Variants in PTBP3 observed in about 807,000 individuals in gnomAD.
PTBP3 encodes polypyrimidine tract binding protein 3.
PTBP3 carries 20 observed loss-of-function variants against 58.7 expected under a neutral mutation model. The ratio of observed to expected loss-of-function variants is 0.34; its 90% CI spans 0.24 to 0.50. PTBP3 has a LOEUF of 0.50. Among genes scored for constraint, PTBP3 ranks in the 20% least tolerant of loss-of-function variants. The pLI, the probability that PTBP3 is intolerant of heterozygous loss-of-function variation, is 0.98. For synonymous variants in PTBP3, 185 were observed against 219.8 expected (o/e 0.84, Z 1.40); for missense variants, 509 against 637.2 (o/e 0.80, Z 2.17).
chr9:112,236,558 A>T (rs1370359239), intron 7 of PTBP3, among the ~76,000 whole-genome samples: 1 of 152,222 alleles, frequency 6.6e-6, no homozygotes, highest in African/African-American at 2.4e-5. Context: ...CTAAAAACAA[A>T]GTTAAACAAT....
At chr9:112,363,928 C>T in the PTBP3 span, among the ~76,000 whole-genome samples, 3 of 152,268 alleles carry the variant, frequency 2.0e-5, no homozygotes, top group African/African-American at 7.2e-5. Context: ...AATGACATAT[C>T]TGTAACATTA....
chr9:112,281,310 T>C (rs189662619), intron 2 of PTBP3: 80 of 167,776 alleles, frequency 4.8e-4, no homozygotes, highest in Non-Finnish European at 7.7e-4. Context: ...ATACTTTTCC[T>C]TGAGAATTTT....
At chr9:112,379,869 A>G in the PTBP3 span, 7 of 533,024 alleles carry the variant, frequency 1.3e-5, no homozygotes, top group South Asian at 4.6e-5. Context: ...CCTGATTGTC[A>G]CCGTACGACC....
intron 12 of PTBP3, 133 bp downstream of exon 12, chr9:112,227,278 A>G (rs1835025842): frequency 1.2e-6 from 1 of 858,696 alleles, no homozygotes; most frequent in Non-Finnish European, 1.8e-6. Context: ...GATGGCAAAT[A>G]AATTGTCTTA....
At chr9:112,241,149 G>A (rs1484993678) in intron 7 of PTBP3, among the ~76,000 whole-genome samples, 1 of 152,068 alleles carries the variant, frequency 6.6e-6, no homozygotes, top group Non-Finnish European at 1.5e-5. Flanking sequence ...TGTCGCCCAG[G>A]CTGGAGTGCA....
At chr9:112,369,425 TGAGACACG>T in the PTBP3 span, among the ~76,000 whole-genome samples, 1 of 152,228 alleles carries the variant, frequency 6.6e-6, no homozygotes, top group African/African-American at 2.4e-5. Context: ...GACCTGGATG[TGAGACACG>T]GAGTCAAAGG....
intron 9 of PTBP3, 120 bp downstream of exon 9, chr9:112,231,977 AAG>A (rs879514205): frequency 8.4e-6 from 3 of 356,394 alleles, no homozygotes; most frequent in African/African-American, 1.1e-4. Flanking sequence ...GAGAGAAGAG[AAG>A]AGAAGAGAAG....
intron 2 of PTBP3, among the ~76,000 whole-genome samples, chr9:112,297,587 G>A (rs2132312882): frequency 6.6e-6 from 1 of 152,218 alleles, no homozygotes; most frequent in South Asian, 2.1e-4. Flanking sequence ...TCAAAATTAT[G>A]TAACACAAAG....
At chr9:112,277,946 T>TAACATAATATAACATAACATAAC (rs1564427648) in intron 2 of PTBP3, among the ~76,000 whole-genome samples, 1 of 58,168 alleles carries the variant, frequency 1.7e-5, no homozygotes, top group East Asian at 4.3e-4. Context: ...CATAACATAA[T>TAACATAATATAACATAACATAAC]ATAACATAAC....
chr9:112,350,162 G>A, the PTBP3 span, among the ~76,000 whole-genome samples: 1 of 152,040 alleles, frequency 6.6e-6, no homozygotes, highest in Non-Finnish European at 1.5e-5. Context: ...ATAAGTGGGA[G>A]CTAAGCTATG....
chr9:112,233,160 T>C (rs956554881), intron 8 of PTBP3, among the ~76,000 whole-genome samples: 2 of 151,972 alleles, frequency 1.3e-5, no homozygotes, highest in African/African-American at 4.8e-5. Flanking sequence ...ATCAATAGCC[T>C]TCACATGACA....
upstream of PTBP3, among the ~76,000 whole-genome samples, chr9:112,335,498 C>T (rs1178524629): frequency 6.6e-6 from 1 of 150,760 alleles, no homozygotes; most frequent in African/African-American, 2.4e-5. Context: ...GTTGGTCAGG[C>T]TGGTCTCGAA....
chr9:112,301,805 G>A (rs953013216), intron 1 of PTBP3, among the ~76,000 whole-genome samples: 4 of 152,140 alleles, frequency 2.6e-5, no homozygotes, highest in Non-Finnish European at 2.9e-5. Context: ...GTAACCACTG[G>A]AGGAAACTTA....
intron 11 of PTBP3, 118 bp from the exon 12 acceptor site, chr9:112,227,745 G>A: frequency 1.3e-6 from 1 of 798,938 alleles, no homozygotes; most frequent in Admixed American, 2.6e-5. Context: ...TTATCAGTTT[G>A]AGGGTGAAAA....
At chr9:112,301,626 A>T (rs1811317767) in intron 1 of PTBP3, among the ~76,000 whole-genome samples, 1 of 152,198 alleles carries the variant, frequency 6.6e-6, no homozygotes, top group South Asian at 2.1e-4. Context: ...GTAGGTGATT[A>T]TAAATGGTAC....
chr9:112,229,560 G>A (rs1467610165), intron 10 of PTBP3, among the ~76,000 whole-genome samples: 2 of 77,402 alleles, frequency 2.6e-5, no homozygotes, highest in Non-Finnish European at 4.7e-5. Context: ...ATAAGACCCT[G>A]TCTCAAAAAA....
chr9:112,268,392 G>T (rs1031034740), intron 3 of PTBP3, among the ~76,000 whole-genome samples, 197 bp from the exon 4 acceptor site: 3 of 152,118 alleles, frequency 2.0e-5, no homozygotes, highest in African/African-American at 7.2e-5. Context: ...AAAAAGTTGG[G>T]TTCACTGAAG....
At chr9:112,353,908 A>C in the PTBP3 span, among the ~76,000 whole-genome samples, 15 of 152,094 alleles carry the variant, frequency 9.9e-5, no homozygotes, top group Non-Finnish European at 1.5e-4. Context: ...TAGTGAGCCA[A>C]GATCATGCCA....
intron 2 of PTBP3, among the ~76,000 whole-genome samples, chr9:112,280,310 C>T (rs1230441856): frequency 6.6e-6 from 1 of 152,048 alleles, no homozygotes; most frequent in African/African-American, 2.4e-5. Flanking sequence ...CCACCTTGGC[C>T]TTCCTAAGTG....
Sources: gnomAD v4.1 joint callset for allele counts (sites outside exome capture counted in the v4.1 genomes callset) on GRCh38, gnomAD v4.1.1 for gene constraint, MANE v1.5 for transcripts, NCBI Gene and HGNC (gene_info 2026-07-23, HGNC 2026-07-21) for gene names.